Variants in SLC44A1 observed in about 807,000 individuals in gnomAD.
SLC44A1 encodes the protein choline transporter-like protein 1.
SLC44A1 carries 26 observed loss-of-function variants against 79.3 expected under a neutral mutation model. The observed-to-expected ratio is 0.33, with a 90% confidence interval of 0.24 to 0.46. The LOEUF (loss-of-function observed/expected upper bound fraction) is 0.46, where lower values mean the gene tolerates loss of function less well. Ranked by LOEUF, SLC44A1 falls within the 20% of genes least tolerant of loss-of-function variation. The pLI, the probability that SLC44A1 is intolerant of heterozygous loss-of-function variation, is 1.00. For missense variants in SLC44A1, 688 were observed against 798.1 expected (o/e 0.86, Z 1.66); for synonymous variants, 263 against 286.2 (o/e 0.92, Z 0.82).
rs965121121 is a variant in SLC44A1, at chr9:105,305,069, C to A, written c.127-4655C>A. ...CACTGCAGTCTTGAACTCCTGGGTT[C>A]AAGCAATCCTCCTGCTTCAGCCTCC... is the stretch of plus-strand genomic sequence containing the variant. On this transcript the variant is annotated intron_variant, in intron 2 of 15. Transcript: ENST00000374720. Among the ~76,000 whole-genome samples the A allele has an allele frequency of 1.1e-4, 15 of 136,504 alleles. 1 individual carries two copies. The highest frequency in any genetic ancestry group is 4.6e-3 in the Middle Eastern group (1 of 218). 89.6% of individuals were successfully genotyped at this position (136,504 alleles called of 152,430 possible). A position where few individuals can be genotyped will look rare whatever the true frequency, so the allele number is the denominator to read the frequency against.
At chr9:105,271,401 A>T (rs1035489521) in intron 1 of SLC44A1, among the ~76,000 whole-genome samples, 1 of 151,958 alleles carries the variant, frequency 6.6e-6, no homozygotes, top group African/African-American at 2.4e-5. Context: ...CTTAATTCCA[A>T]GTGGGTGGAA....
rs147864518 is a variant in SLC44A1, at chr9:105,429,580, G to T, written c.1951-8701G>T. 1.5e-3 allele frequency among the ~76,000 whole-genome samples: 230 copies of T among 152,262 alleles called. 3 individuals are homozygous for T. In the East Asian group the frequency reaches 0.038, roughly 25 times the overall value. ...GACCTCTCAAAGTGCTGAGATTATA[G>T]GCATGCACCACAACACCTGGCCCTT... On this transcript the variant is annotated intron_variant, in intron 15 of 15. Transcript: ENST00000374724.
intron 3 of SLC44A1, among the ~76,000 whole-genome samples, chr9:105,330,646 T>C (rs1826721396): frequency 6.6e-6 from 1 of 152,242 alleles, no homozygotes; most frequent in Non-Finnish European, 1.5e-5. Context: ...TTTTCATCTT[T>C]GGTGCATCTG....
At chr9:105,404,068 T>C (rs932937057) in intron 15 of SLC44A1, among the ~76,000 whole-genome samples, 1 of 151,636 alleles carries the variant, frequency 6.6e-6, no homozygotes, top group Non-Finnish European at 1.5e-5. Context: ...GAAGAGACCA[T>C]TGTAAATATA....
In SLC44A1 at chr9:105,383,295, C is replaced by G. The variant is rs113758350; in HGVS notation, c.1805C>G (p.Ala602Gly). 7.3e-5 allele frequency: 117 copies of G among 1,613,352 alleles called. No individual in the cohort carries two copies. Among genetic ancestry groups the G allele is most frequent in the Non-Finnish European group, 9.7e-5 (114 of 1,179,468 alleles). ...MVVDVLFLCF[A>G]IDTKYNDGSP... ...GTGGATGTATTATTCTTGTGTTTTGCCATTGATACAAAATACAATGATGGG... is the reference window on the plus strand; with the variant it reads ...GTGGATGTATTATTCTTGTGTTTTGGCATTGATACAAAATACAATGATGGG... The change falls in exon 14 of 16, where the codon GCC becomes GGC. Residue 602 changes from alanine (A) to glycine (G), a missense_variant. By Grantham distance (60) the Ala-to-Gly change is moderately conservative (BLOSUM62 0). Transcript: ENST00000374720.
intron 15 of SLC44A1, among the ~76,000 whole-genome samples, chr9:105,387,868 A>T (rs1280624244): frequency 2.6e-4 from 39 of 152,244 alleles, no homozygotes; most frequent in Non-Finnish European, 5.1e-4. Context: ...AGAATTGCCC[A>T]GGTTATGTGG....
At chr9:105,409,572 CT>C (rs1236888504) in intron 15 of SLC44A1, among the ~76,000 whole-genome samples, 1 of 152,048 alleles carries the variant, frequency 6.6e-6, no homozygotes, top group East Asian at 1.9e-4. Context: ...GTAGTTCTAG[CT>C]ACTCAGGAGG....
Position 105,385,613 on chromosome 9 carries a change from C to G in SLC44A1, c.1950+111C>G, listed in dbSNP as rs1828608104. 2.7e-6 allele frequency: 4 copies of G among 1,494,252 alleles called. No individual in the cohort carries two copies. The South Asian group carries it at 5.3e-5, about 20-fold the overall frequency. The allele number at this position is 1,494,252 out of a possible 1,614,324, so 92.6% of individuals were successfully genotyped here. A position where few individuals can be genotyped will look rare whatever the true frequency, so the allele number is the denominator to read the frequency against. On this transcript the variant is annotated intron_variant, in intron 15 of 15. Coordinates refer to ENST00000374720, the MANE Select transcript of SLC44A1 (RefSeq NM_080546.5). ...CAGGAGAAGCTTTTGTTATCTGTAT[C>G]ACGCAGGACATGCTGCTCTTTCTGT...
chr9:105,355,246 G>T (rs1804526839), intron 5 of SLC44A1, among the ~76,000 whole-genome samples: 1 of 152,312 alleles, frequency 6.6e-6, no homozygotes, highest in South Asian at 2.1e-4. Flanking sequence ...ATTGATTAGT[G>T]TATACTGTCC....
In SLC44A1 at chr9:105,316,891, A is replaced by G. The variant is rs115595948; in HGVS notation, c.269+7025A>G. Reference sequence around the variant, plus strand: ...TGAAGTTCTGTAAATCGGAAACTGAAGCAAATTCATTGCTTTTAACAACGA... The same window carrying G: ...TGAAGTTCTGTAAATCGGAAACTGAGGCAAATTCATTGCTTTTAACAACGA... On this transcript the variant is annotated intron_variant, in intron 3 of 15. Transcript: ENST00000374720. Among the ~76,000 whole-genome samples the G allele has an allele frequency of 2.4e-3, 370 of 152,358 alleles. 3 individuals carry two copies. The highest frequency in any genetic ancestry group is 8.3e-3 in the African/African-American group (344 of 41,580).
intron 15 of SLC44A1, among the ~76,000 whole-genome samples, chr9:105,388,161 G>A (rs201618712): frequency 6.6e-6 from 1 of 152,174 alleles, no homozygotes; most frequent in Non-Finnish European, 1.5e-5. Flanking sequence ...CAGAAGACAA[G>A]TGTGAAATGC....
rs149813840 is a variant in SLC44A1, at chr9:105,271,835, A to G, written c.36+26931A>G. Among the ~76,000 whole-genome samples the G allele has an allele frequency of 5.3e-3, 803 of 152,192 alleles. 9 individuals carry two copies. The highest frequency in any genetic ancestry group is 0.018 in the African/African-American group (767 of 41,528). On this transcript the variant is annotated intron_variant, in intron 1 of 15. Transcript: ENST00000374720. Reference sequence around the variant, plus strand: ...CGCTATGTTGGCCAGGCTGGTCTCAAACTCCTGACCTCAGGTGATCCTCCT... The same window carrying G: ...CGCTATGTTGGCCAGGCTGGTCTCAGACTCCTGACCTCAGGTGATCCTCCT...
intron 3 of SLC44A1, among the ~76,000 whole-genome samples, chr9:105,323,058 A>AT (rs1427446723): frequency 2.0e-5 from 3 of 150,798 alleles, no homozygotes; most frequent in Non-Finnish European, 4.4e-5. Context: ...ATTAAAAAAA[A>AT]AAAAATACAC....
Position 105,393,350 on chromosome 9 carries a change from C to T in SLC44A1, c.*4294C>T. ...TAGTCCAAATTTTTAAAAAGCAAGA[C>T]CCTTGAATATGCCAAGAGAAAATCT... On this transcript the variant is annotated 3_prime_UTR_variant, in exon 16 of 16. Coordinates refer to ENST00000374720, the MANE Select transcript of SLC44A1 (RefSeq NM_080546.5). 1.0e-6 allele frequency: 1 copy of T among 985,110 alleles called. No individual in the cohort carries two copies. Among genetic ancestry groups the T allele is most frequent in the South Asian group, 4.7e-5 (1 of 21,276 alleles). The allele number at this position is 985,110 out of a possible 1,614,324, so 61.0% of individuals were successfully genotyped here. A position where few individuals can be genotyped will look rare whatever the true frequency, so the allele number is the denominator to read the frequency against.
intron 1 of SLC44A1, among the ~76,000 whole-genome samples, chr9:105,275,190 A>G (rs1830170701): frequency 6.6e-6 from 1 of 152,208 alleles, no homozygotes; most frequent in Non-Finnish European, 1.5e-5. Context: ...ATACAACCGT[A>G]GCATGTATTA....
At chr9:105,248,008 G>A (rs1358419428) in intron 1 of SLC44A1, among the ~76,000 whole-genome samples, 1 of 152,164 alleles carries the variant, frequency 6.6e-6, no homozygotes, top group African/African-American at 2.4e-5. Context: ...TGCTCCTGAT[G>A]ACCTGCTTAA....
chr9:105,335,222 A>G (rs528229973), intron 3 of SLC44A1, among the ~76,000 whole-genome samples: 138 of 152,264 alleles, frequency 9.1e-4, no homozygotes, highest in Non-Finnish European at 1.7e-3. Flanking sequence ...CAGTATTATG[A>G]TATTCCAATA....
At chr9:105,402,965 T>TCA (rs1588870753) in intron 15 of SLC44A1, among the ~76,000 whole-genome samples, 1 of 144,868 alleles carries the variant, frequency 6.9e-6, no homozygotes, top group East Asian at 2.0e-4. Flanking sequence ...GCATGCACCT[T>TCA]CACACCCAGC....
chr9:105,319,823 A>T (rs867904850), intron 3 of SLC44A1, among the ~76,000 whole-genome samples: 12 of 152,224 alleles, frequency 7.9e-5, no homozygotes, highest in African/African-American at 2.7e-4. Context: ...TGGATTTTGT[A>T]AAGTCGATTT....
Sources: allele counts gnomAD v4.1 joint callset (sites outside exome capture counted in the v4.1 genomes callset), GRCh38; gene constraint gnomAD v4.1.1; transcripts MANE v1.5; gene names NCBI Gene and HGNC (gene_info 2026-07-23, HGNC 2026-07-21).